CCDC125: variants seen among roughly 807,000 people sequenced by gnomAD.
The protein encoded by CCDC125 is coiled-coil domain containing 125.
CCDC125 carries 43 observed loss-of-function variants against 57.4 expected under a neutral mutation model. The ratio of observed to expected loss-of-function variants is 0.75; its 90% CI spans 0.59 to 0.97. CCDC125 has a LOEUF of 0.97. CCDC125 is among the 50% of genes least tolerant of loss of function. CCDC125 has a pLI of 0.00. For missense variants in CCDC125, 563 were observed against 595.7 expected (o/e 0.95, Z 0.57); for synonymous variants, 187 against 195.2 (o/e 0.96, Z 0.35).
intron 8 of CCDC125, among the ~76,000 whole-genome samples, chr5:69,298,730 C>T (rs11745537): frequency 0.4 from 60,211 of 152,112 alleles, 12,804 homozygotes; most frequent in South Asian, 0.46. Context: ...ATAGTCTACT[C>T]GAGACTATCA....
chr5:69,283,313 A>G (rs562465192), intron 11 of CCDC125, among the ~76,000 whole-genome samples: 4 of 146,178 alleles, frequency 2.7e-5, no homozygotes, highest in South Asian at 2.1e-4. Flanking sequence ...TCTGCCTCCC[A>G]GGTTCACACT....
chr5:69,322,263 G>C (rs1190230583), intron 1 of CCDC125, among the ~76,000 whole-genome samples: 1 of 152,086 alleles, frequency 6.6e-6, no homozygotes. Flanking sequence ...CGGATGACAG[G>C]AGTGAGGCAC....
downstream of CCDC125, among the ~76,000 whole-genome samples, chr5:69,278,781 G>C (rs1428846084): frequency 1.4e-5 from 2 of 143,414 alleles, no homozygotes; most frequent in African/African-American, 5.2e-5. Context: ...GCTCACTGCA[G>C]CTTCGAACTC....
intron 10 of CCDC125, among the ~76,000 whole-genome samples, chr5:69,290,364 G>A (rs963780668): frequency 1.3e-4 from 20 of 151,280 alleles, no homozygotes; most frequent in African/African-American, 4.4e-4. Context: ...GTACAGTGGC[G>A]CAATCTTGGC....
intron 8 of CCDC125, among the ~76,000 whole-genome samples, chr5:69,299,076 A>G (rs1022061628): frequency 2.0e-5 from 3 of 151,280 alleles, no homozygotes; most frequent in Non-Finnish European, 4.4e-5. Flanking sequence ...GGTATTTGCT[A>G]TTATTATTAC....
the CCDC125 span, among the ~76,000 whole-genome samples, chr5:69,274,836 G>A: frequency 0.28 from 42,505 of 151,982 alleles, 6,546 homozygotes; most frequent in East Asian, 0.4. Flanking sequence ...GGCTGATCTC[G>A]AACTCCTGAC....
chr5:69,302,413 T>C (rs1193146329), intron 7 of CCDC125, among the ~76,000 whole-genome samples: 1 of 60,070 alleles, frequency 1.7e-5, no homozygotes, highest in Non-Finnish European at 2.9e-5. Context: ...AGAGTGAGAC[T>C]CCATCTCAAA....
chr5:69,318,924 C>A (rs901229541), intron 2 of CCDC125, among the ~76,000 whole-genome samples: 1 of 151,490 alleles, frequency 6.6e-6, no homozygotes. Context: ...TGTTGATTTG[C>A]AGGGTTTTGG....
chr5:69,278,014 G>T (rs1483689453), downstream of CCDC125, among the ~76,000 whole-genome samples: 1 of 152,004 alleles, frequency 6.6e-6, no homozygotes, highest in Non-Finnish European at 1.5e-5. Flanking sequence ...GAGCAGCTGG[G>T]ATTATGGGCA....
rs1758081521 is a variant in CCDC125, at chr5:69,311,219, A to G, written c.367-15T>C. ...ATTTCTACCTCCTGAGGACAGAAAG[A>G]AAATTAGTCTTCCTATCTGCAAGAT... On this transcript the variant is annotated splice_polypyrimidine_tract_variant and intron_variant, in intron 3 of 11. Transcript: ENST00000396496. The G allele has an allele frequency of 1.3e-6, 2 of 1,519,776 alleles. No homozygotes were observed. Among genetic ancestry groups the G allele is most frequent in the African/African-American group, 1.4e-5 (1 of 72,766 alleles). The allele number at this position is 1,519,776 out of a possible 1,614,324, so 94.1% of individuals were successfully genotyped here.
intron 2 of CCDC125, 95 bp from the exon 3 acceptor site, chr5:69,314,141 A>G (rs1418714849): frequency 2.3e-6 from 2 of 853,692 alleles, no homozygotes; most frequent in Admixed American, 2.0e-5. Flanking sequence ...TACCAAATAC[A>G]GGTATCCCCT....
intron 8 of CCDC125, among the ~76,000 whole-genome samples, chr5:69,298,567 C>T (rs1755806912): frequency 6.6e-6 from 1 of 152,062 alleles, no homozygotes; most frequent in African/African-American, 2.4e-5. Context: ...GCCTAGGTTG[C>T]CAAAAGCAAC....
intron 10 of CCDC125, among the ~76,000 whole-genome samples, chr5:69,287,153 T>TA (rs1317776798): frequency 6.6e-6 from 1 of 152,086 alleles, no homozygotes; most frequent in African/African-American, 2.4e-5. Context: ...CTGTACCTCT[T>TA]AAGATTACTG....
chr5:69,286,397 A>T (rs2150310800), intron 10 of CCDC125, among the ~76,000 whole-genome samples: 1 of 151,080 alleles, frequency 6.6e-6, no homozygotes, highest in Admixed American at 6.6e-5. Flanking sequence ...ACGTCCGGCT[A>T]ATTTTTTTGT....
At chr5:69,276,056 G>C (rs1752102651), downstream of CCDC125, among the ~76,000 whole-genome samples, 1 of 151,990 alleles carries the variant, frequency 6.6e-6, no homozygotes, top group South Asian at 2.1e-4. Flanking sequence ...TTGATACGGA[G>C]CCTTGCTCTG....
At chr5:69,314,982 A>T (rs141266129) in intron 2 of CCDC125, among the ~76,000 whole-genome samples, 2,703 of 152,258 alleles carry the variant, frequency 0.018, 34 homozygotes, top group Non-Finnish European at 0.025. Flanking sequence ...TTGGCCAGGC[A>T]CAGTGGCTCA....
chr5:69,277,151 A>G (rs545813153), downstream of CCDC125: 7 of 1,581,184 alleles, frequency 4.4e-6, no homozygotes, highest in South Asian at 4.8e-5. Flanking sequence ...ACACTGGACA[A>G]CATTTTACTA....
At chr5:69,303,432 T>G (rs1054061173) in intron 7 of CCDC125, among the ~76,000 whole-genome samples, 3 of 147,018 alleles carry the variant, frequency 2.0e-5, no homozygotes, top group Admixed American at 7.1e-5. Context: ...AGGCACAATC[T>G]TGGGTCACTG....
At chr5:69,326,359 T>C (rs576471686) in intron 1 of CCDC125, among the ~76,000 whole-genome samples, 1 of 152,338 alleles carries the variant, frequency 6.6e-6, no homozygotes, top group Admixed American at 6.5e-5. Context: ...TAAAATCATC[T>C]TGGTTCTTTT....
Sources: gnomAD v4.1 joint callset for allele counts (sites outside exome capture counted in the v4.1 genomes callset) on GRCh38, gnomAD v4.1.1 for gene constraint, MANE v1.5 for transcripts, NCBI Gene and HGNC (gene_info 2026-07-23, HGNC 2026-07-21) for gene names.